The following DSCAM variants were observed in gnomAD, a reference collection of about 807,000 sequenced individuals.
The protein encoded by DSCAM is DS cell adhesion molecule.
DSCAM carries 47 observed loss-of-function variants against 217.7 expected under a neutral mutation model. That is an observed-to-expected ratio of 0.22 (90% CI 0.17 to 0.28). DSCAM has a LOEUF of 0.28. DSCAM is among the 10% of genes least tolerant of loss of function. The pLI, the probability that DSCAM is intolerant of heterozygous loss-of-function variation, is 1.00. For missense variants in DSCAM, 2,080 were observed against 2,618.3 expected (o/e 0.79, Z 4.49); for synonymous variants, 1,056 against 1,015.3 (o/e 1.04, Z -0.76).
chr21:40,130,599 G>A (rs1203142487), intron 19 of DSCAM, among the ~76,000 whole-genome samples: 3 of 152,072 alleles, frequency 2.0e-5, no homozygotes, highest in Non-Finnish European at 2.9e-5. Flanking sequence ...CCACAGACAT[G>A]AGAATATGTC....
chr21:40,564,295 T>C (rs17000004), intron 3 of DSCAM, among the ~76,000 whole-genome samples: 5,959 of 152,288 alleles, frequency 0.039, 327 homozygotes, highest in African/African-American at 0.12. Flanking sequence ...TTTGAGAGTA[T>C]GAATTTTCCT....
chr21:40,063,076 C>G (rs1210783687), intron 27 of DSCAM, among the ~76,000 whole-genome samples, 177 bp from the exon 28 acceptor site: 1 of 152,286 alleles, frequency 6.6e-6, no homozygotes, highest in East Asian at 1.9e-4. Flanking sequence ...CTAAATGGGA[C>G]TTTTAAAATG....
At chr21:40,334,840 G>A (rs2074413900) in intron 8 of DSCAM, among the ~76,000 whole-genome samples, 3 of 151,914 alleles carry the variant, frequency 2.0e-5, no homozygotes. Flanking sequence ...ACCTTAGTCT[G>A]GCCATGTGAC....
chr21:40,530,500 C>A (rs11908845), intron 3 of DSCAM, among the ~76,000 whole-genome samples: 3,345 of 152,226 alleles, frequency 0.022, 120 homozygotes, highest in African/African-American at 0.075. Context: ...CATGATAAGA[C>A]AATTCTGAGC....
chr21:40,212,030 C>T (rs1262701637), intron 11 of DSCAM, among the ~76,000 whole-genome samples: 1 of 151,480 alleles, frequency 6.6e-6, no homozygotes, highest in Non-Finnish European at 1.5e-5. Flanking sequence ...AGTTCAGTGG[C>T]CCAATCTCTG....
At chr21:40,796,096 A>C (rs1601275896) in intron 1 of DSCAM, among the ~76,000 whole-genome samples, 1 of 152,352 alleles carries the variant, frequency 6.6e-6, no homozygotes, top group Admixed American at 6.5e-5. Flanking sequence ...ATAGCTACTA[A>C]GTCACAATGG....
chr21:40,187,621 G>A (rs79947134), intron 13 of DSCAM, among the ~76,000 whole-genome samples: 2,163 of 152,294 alleles, frequency 0.014, 46 homozygotes, highest in African/African-American at 0.05. Flanking sequence ...TTCCACCGCT[G>A]TACTTGTGTG....
rs947321571 is a variant in DSCAM, at chr21:40,607,338, A to G, written c.508+85472T>C. On this transcript the variant is annotated intron_variant, in intron 3 of 32. Transcript: ENST00000400454. ...AATTCTACAAAGAACATCATATATA[A>G]GAAATGTGCTTCAAGTTATTTGGAT... Among the ~76,000 whole-genome samples, 3 of 152,276 alleles carry G rather than the reference A, an allele frequency of 2.0e-5. No individual in the cohort carries two copies. In the East Asian group the frequency reaches 5.8e-4, roughly 29 times the overall value.
intron 28 of DSCAM, among the ~76,000 whole-genome samples, chr21:40,061,937 C>T (rs1336058310): frequency 6.6e-6 from 1 of 152,156 alleles, no homozygotes; most frequent in African/African-American, 2.4e-5. Context: ...TACTTATTTC[C>T]TAGACTCTGA....
At position 40,633,109 on chromosome 21, in the gene DSCAM, C is replaced by T. The variant is rs186795758; in HGVS notation, c.508+59701G>A. ...CCCCTTTAGGTTGTTTACTGATGTC[C>T]TCCCAGCCTGTGGTTCTTCCCTATT... On this transcript the variant is annotated intron_variant, in intron 3 of 32. Transcript: ENST00000400454. 3.6e-3 allele frequency among the ~76,000 whole-genome samples: 552 copies of T among 152,298 alleles called. 5 individuals are homozygous for T. Among genetic ancestry groups the T allele is most frequent in the African/African-American group, 0.012 (501 of 41,548 alleles).
chr21:40,625,601 G>A (rs1360432009), intron 3 of DSCAM, among the ~76,000 whole-genome samples: 1 of 152,062 alleles, frequency 6.6e-6, no homozygotes, highest in Admixed American at 6.6e-5. Flanking sequence ...ACCCACTCAA[G>A]GCGGATCCTG....
intron 4 of DSCAM, among the ~76,000 whole-genome samples, chr21:40,367,795 G>C (rs549246008): frequency 2.0e-5 from 3 of 152,120 alleles, no homozygotes; most frequent in Admixed American, 1.3e-4. Flanking sequence ...AGGTGGCTTA[G>C]TGTATGATAT....
chr21:40,285,681 T>G lies in DSCAM; in HGVS notation c.2183-9411A>C, dbSNP rs1475733734. On this transcript the variant is annotated intron_variant, in intron 10 of 32. Transcript: ENST00000400454. ...TTATTTCTTTGTGAGGCCCCTTGTCTCTTCTTGGGGAACACACAACACACA... is the reference window on the plus strand; with the variant it reads ...TTATTTCTTTGTGAGGCCCCTTGTCGCTTCTTGGGGAACACACAACACACA... 2.0e-5 allele frequency among the ~76,000 whole-genome samples: 3 copies of G among 152,324 alleles called. No individual in the cohort carries two copies. In the East Asian group the frequency reaches 5.8e-4, roughly 29 times the overall value.
intron 11 of DSCAM, among the ~76,000 whole-genome samples, chr21:40,268,794 T>A (rs1209563593): frequency 1.3e-5 from 2 of 151,742 alleles, no homozygotes; most frequent in African/African-American, 4.8e-5. Flanking sequence ...ACTGAAAAAA[T>A]ATAAAAATAA....
At chr21:40,106,398 T>C (rs1018812267) in intron 20 of DSCAM, among the ~76,000 whole-genome samples, 2 of 152,238 alleles carry the variant, frequency 1.3e-5, no homozygotes, top group Non-Finnish European at 2.9e-5. Context: ...GATTTCTGCA[T>C]TGATGTTCAT....
intron 16 of DSCAM, among the ~76,000 whole-genome samples, chr21:40,162,995 A>G (rs2090556175): frequency 6.6e-6 from 1 of 152,076 alleles, no homozygotes; most frequent in South Asian, 2.1e-4. Context: ...CATTCTCTGG[A>G]TAAATGTTTT....
intron 3 of DSCAM, among the ~76,000 whole-genome samples, chr21:40,666,499 T>A (rs2090201439): frequency 6.6e-6 from 1 of 152,224 alleles, no homozygotes; most frequent in Non-Finnish European, 1.5e-5. Context: ...AATGATGACC[T>A]GAGCCCACTC....
intron 1 of DSCAM, among the ~76,000 whole-genome samples, chr21:40,730,699 A>C (rs1464362539): frequency 6.6e-6 from 1 of 152,150 alleles, no homozygotes; most frequent in African/African-American, 2.4e-5. Context: ...AGGCAACACA[A>C]ACTGCAAGAG....
intron 1 of DSCAM, among the ~76,000 whole-genome samples, chr21:40,805,848 A>G (rs2091781921): frequency 6.6e-6 from 1 of 151,984 alleles, no homozygotes; most frequent in South Asian, 2.1e-4. Context: ...AGCTGGGACT[A>G]GAGGCACCTG....
Sources: gnomAD v4.1 joint callset for allele counts (sites outside exome capture counted in the v4.1 genomes callset) on GRCh38, gnomAD v4.1.1 for gene constraint, MANE v1.5 for transcripts, NCBI Gene and HGNC (gene_info 2026-07-23, HGNC 2026-07-21) for gene names.